The following PHLDB2 variants were observed in gnomAD, a reference collection of about 807,000 sequenced individuals.
PHLDB2 encodes the protein pleckstrin homology-like domain family B member 2.
PHLDB2 carries 71 observed loss-of-function variants against 123.6 expected under a neutral mutation model. That is an observed-to-expected ratio of 0.57 (90% CI 0.47 to 0.70). PHLDB2 has a LOEUF of 0.70. PHLDB2 is among the 30% of genes least tolerant of loss of function. The probability of loss-of-function intolerance (pLI) is 0.00; values close to 1 mark genes in which losing one functional copy is unlikely to be tolerated. For synonymous variants in PHLDB2, 547 were observed against 541.6 expected, an observed-to-expected ratio of 1.01 and a Z score of -0.14; for missense variants, 1,446 against 1,519.5, an observed-to-expected ratio of 0.95 and a Z score of 0.80.
At chr3:111,793,754 CT>C (rs2061029524) in intron 1 of PHLDB2, among the ~76,000 whole-genome samples, 1 of 151,810 alleles carries the variant, frequency 6.6e-6, no homozygotes, top group African/African-American at 2.4e-5. Flanking sequence ...GAACTGGATT[CT>C]TCCCTCTAGG....
exon 1 of PHLDB2, chr3:111,732,649 G>C (rs1243656707): frequency 3.3e-6 from 5 of 1,535,714 alleles, no homozygotes; most frequent in African/African-American, 2.7e-5. Flanking sequence ...GGCCATCCCT[G>C]CTGAGTCAGG....
At chr3:111,780,246 C>T (rs913243113) in intron 1 of PHLDB2, among the ~76,000 whole-genome samples, 4 of 135,146 alleles carry the variant, frequency 3.0e-5, no homozygotes, top group Admixed American at 1.5e-4. Context: ...CAGGAGTGGG[C>T]TCCTGATTTA....
At chr3:111,814,628 TAA>T (rs35877984) in intron 1 of PHLDB2, among the ~76,000 whole-genome samples, 5,656 of 142,104 alleles carry the variant, frequency 0.04, 356 homozygotes, top group African/African-American at 0.13. Flanking sequence ...AGTATTTATT[TAA>T]AAAAAAAAAA....
chr3:111,846,695 C>T (rs2064004984), intron 2 of PHLDB2, among the ~76,000 whole-genome samples: 1 of 152,096 alleles, frequency 6.6e-6, no homozygotes, highest in African/African-American at 2.4e-5. Flanking sequence ...TGTTAGGGCT[C>T]TCCAGAGAAA....
At chr3:111,746,227 T>G (rs2059680204) in intron 1 of PHLDB2, among the ~76,000 whole-genome samples, 1 of 152,164 alleles carries the variant, frequency 6.6e-6, no homozygotes, top group Non-Finnish European at 1.5e-5. Flanking sequence ...TTCCAATGCT[T>G]ATTCCTTCTG....
intron 1 of PHLDB2, among the ~76,000 whole-genome samples, chr3:111,752,072 A>C (rs965872944): frequency 6.6e-6 from 1 of 152,202 alleles, no homozygotes; most frequent in Non-Finnish European, 1.5e-5. Flanking sequence ...TGAGCAAACC[A>C]CAGAAACATA....
At position 111,920,438 on chromosome 3, in the gene PHLDB2, T is replaced by A. The variant is rs1309229137; in HGVS notation, c.2001+19T>A. On this transcript the variant is annotated intron_variant, in intron 5 of 17. Coordinates refer to ENST00000431670, the MANE Select transcript of PHLDB2 (RefSeq NM_001134438.2). ...GACCAAGGTAAAAGAAAATTATATT[T>A]CAATGCAGTTTTTATGGGCAAAGTG... 2 of 1,609,082 alleles carry A rather than the reference T, an allele frequency of 1.2e-6. No homozygotes were observed.
At chr3:111,895,873 C>CCATCTATCTATCTATCT (rs1553746643) in intron 2 of PHLDB2, among the ~76,000 whole-genome samples, 92 of 148,696 alleles carry the variant, frequency 6.2e-4, no homozygotes, top group African/African-American at 2.2e-3. Flanking sequence ...TCTATCTATC[C>CCATCTATCTATCTATCT]ATCTATCTAT....
Position 111,920,916 on chromosome 3 carries a change from A to G in PHLDB2, c.2001+497A>G, listed in dbSNP as rs375286852. Among the ~76,000 whole-genome samples, 284 of 152,340 alleles carry G rather than the reference A, an allele frequency of 1.9e-3. 2 individuals carry two copies. The highest frequency in any genetic ancestry group is 6.3e-3 in the African/African-American group (263 of 41,576). On this transcript the variant is annotated intron_variant, in intron 5 of 17. Transcript: ENST00000431670. ...CTGCTTTGCCTTGCTATTGTTTTCA[A>G]TGCAAGTGCACTGCTTTTTGACAAA...
chr3:111,889,987 AC>A (rs1188208722), intron 2 of PHLDB2, among the ~76,000 whole-genome samples: 4 of 152,208 alleles, frequency 2.6e-5, no homozygotes, highest in Non-Finnish European at 5.9e-5. Context: ...ACACTAGAAC[AC>A]AAAATCTCAC....
chr3:111,847,873 G>T (rs1004819155), intron 2 of PHLDB2, among the ~76,000 whole-genome samples: 4 of 152,176 alleles, frequency 2.6e-5, no homozygotes, highest in Non-Finnish European at 1.5e-5. Flanking sequence ...TGGTAATAGG[G>T]GTTGAGGAGG....
At chr3:111,938,935 G>C (rs1464262713) in intron 6 of PHLDB2, among the ~76,000 whole-genome samples, 1 of 152,064 alleles carries the variant, frequency 6.6e-6, no homozygotes, top group African/African-American at 2.4e-5. Flanking sequence ...AGCCTCCCAA[G>C]TAGCTGGGAC....
chr3:111,899,712 G>A (rs1424340531), intron 2 of PHLDB2, among the ~76,000 whole-genome samples: 1 of 152,176 alleles, frequency 6.6e-6, no homozygotes, highest in Non-Finnish European at 1.5e-5. Flanking sequence ...TTGAAGCCAG[G>A]CATTGACTTC....
At position 111,939,511 on chromosome 3, in the gene PHLDB2, G is replaced by A. The variant is rs756541495; in HGVS notation, c.2167G>A (p.Glu723Lys). The A allele has an allele frequency of 1.2e-6, 2 of 1,613,394 alleles. No homozygotes were observed. The highest frequency in any genetic ancestry group is 8.5e-7 in the Non-Finnish European group (1 of 1,179,716). ...DLLDVESKHF[E>K]DLEFQQLEHE... is the part of the protein sequence containing the mutation. ...GTTGGATGTTGAAAGCAAACACTTT[G>A]AAGACCTGGAGTTCCAGCAGCTTGA... Residue 723 changes from glutamate (E) to lysine (K), a missense_variant, in exon 7 of 18, where the codon GAA becomes AAA. Glu to Lys is a moderately conservative substitution (Grantham distance 56). Coordinates refer to ENST00000431670, the MANE Select transcript of PHLDB2 (RefSeq NM_001134438.2).
chr3:111,820,999 C>T (rs1418040084), intron 1 of PHLDB2, among the ~76,000 whole-genome samples: 4 of 152,140 alleles, frequency 2.6e-5, no homozygotes, highest in African/African-American at 9.7e-5. Flanking sequence ...AGTGCAATTC[C>T]AGAACCGAGG....
chr3:111,741,150 AAG>A (rs933181907), intron 1 of PHLDB2, among the ~76,000 whole-genome samples: 4 of 152,184 alleles, frequency 2.6e-5, no homozygotes, highest in Non-Finnish European at 5.9e-5. Flanking sequence ...GCAGGAGAAA[AAG>A]AGTTTCAGAG....
chr3:111,866,888 A>T (rs935973186), intron 1 of PHLDB2, among the ~76,000 whole-genome samples: 1 of 150,932 alleles, frequency 6.6e-6, no homozygotes, highest in East Asian at 2.0e-4. Flanking sequence ...AACTTGACCT[A>T]AAGAGCTCCT....
chr3:111,861,667 A>T (rs1246037056), intron 1 of PHLDB2, among the ~76,000 whole-genome samples: 1 of 152,196 alleles, frequency 6.6e-6, no homozygotes, highest in Non-Finnish European at 1.5e-5. Context: ...GGAGGAAAAG[A>T]TACTTGGGAA....
At chr3:111,920,039 A>G (rs900027675) in intron 4 of PHLDB2, among the ~76,000 whole-genome samples, 10 of 152,262 alleles carry the variant, frequency 6.6e-5, no homozygotes, top group Non-Finnish European at 1.3e-4. Context: ...AAGAGGGGTT[A>G]TAGTAGAAAA....
Sources: allele counts gnomAD v4.1 joint callset (sites outside exome capture counted in the v4.1 genomes callset), GRCh38; gene constraint gnomAD v4.1.1; transcripts MANE v1.5; gene names NCBI Gene and HGNC (gene_info 2026-07-23, HGNC 2026-07-21).